AMBRA1: variants seen among roughly 807,000 people sequenced by gnomAD.
The protein encoded by AMBRA1 is autophagy and beclin 1 regulator 1.
A neutral mutation model predicts 125.4 loss-of-function variants in AMBRA1; 47 were observed. The observed-to-expected ratio is 0.37, with a 90% CI of 0.30 to 0.48. The LOEUF is 0.48. Ranked by LOEUF, AMBRA1 falls within the 20% of genes least tolerant of loss-of-function variation. AMBRA1 has a pLI of 0.99. For synonymous variants in AMBRA1, 626 were observed against 655.5 expected, an observed-to-expected ratio of 0.95 and a Z score of 0.69; for missense variants, 1,331 against 1,693.4, an observed-to-expected ratio of 0.79 and a Z score of 3.76.
intron 9 of AMBRA1, among the ~76,000 whole-genome samples, chr11:46,498,036 T>C (rs999657413): frequency 6.6e-6 from 1 of 152,146 alleles, no homozygotes; most frequent in Non-Finnish European, 1.5e-5. Flanking sequence ...CTCACTTCCG[T>C]GCTGATACAA....
intron 14 of AMBRA1, among the ~76,000 whole-genome samples, chr11:46,420,309 C>T (rs1025962839): frequency 6.6e-6 from 1 of 152,164 alleles, no homozygotes; most frequent in Non-Finnish European, 1.5e-5. Context: ...GAATTTCTCT[C>T]GTAGTTATCT....
intron 1 of AMBRA1, among the ~76,000 whole-genome samples, chr11:46,565,084 C>A (rs923181163): frequency 1.3e-5 from 2 of 149,996 alleles, no homozygotes; most frequent in African/African-American, 4.9e-5. Context: ...GGCAAAACCT[C>A]ATCTCTACAA....
chr11:46,592,771 A>C (rs1049852965), intron 1 of AMBRA1, among the ~76,000 whole-genome samples: 2 of 152,048 alleles, frequency 1.3e-5, no homozygotes, highest in African/African-American at 4.8e-5. Context: ...AAAAAAAGAA[A>C]AAAGAGAGAC....
chr11:46,511,056 G>A (rs1287703931), intron 8 of AMBRA1, among the ~76,000 whole-genome samples: 1 of 152,136 alleles, frequency 6.6e-6, no homozygotes, highest in Non-Finnish European at 1.5e-5. Flanking sequence ...CCGTGATAAA[G>A]ATCACAGTAG....
At chr11:46,574,557 T>G (rs1235147649) in intron 1 of AMBRA1, among the ~76,000 whole-genome samples, 1 of 152,114 alleles carries the variant, frequency 6.6e-6, no homozygotes, top group Non-Finnish European at 1.5e-5. Context: ...TTGTAGATTC[T>G]GGATATTAGC....
In AMBRA1 at chr11:46,508,334, G is replaced by C. The variant is rs748376043; in HGVS notation, c.2196C>G (p.Ile732Met). 12 of 1,614,076 alleles carry C rather than the reference G, an allele frequency of 7.4e-6. No individual in the cohort carries two copies. Among genetic ancestry groups the C allele is most frequent in the Non-Finnish European group, 9.3e-6 (11 of 1,180,038 alleles). Residue 732 changes from isoleucine to methionine, a missense_variant, in exon 9 of 18, where the codon ATC becomes ATG. By Grantham distance (10) the Ile-to-Met change is conservative. This residue lies in a region of AMBRA1 where 689 missense variants were observed against 776.5 expected (regional missense o/e 0.89). Transcript: ENST00000683756. ...TACTGTCTCTCCGTGAGAGATACTG[G>C]ATCATCCTCTGGGCGTAGTATGCAG... is the stretch of plus-strand genomic sequence containing the variant. The part of the protein sequence containing the change: ...SPAAYYAQRM[I>M]QYLSRRDSIR...
chr11:46,563,139 T>A (rs2135245066), intron 1 of AMBRA1, among the ~76,000 whole-genome samples: 1 of 152,172 alleles, frequency 6.6e-6, no homozygotes, highest in East Asian at 1.9e-4. Context: ...GCAAGGTAGA[T>A]CACACCTGTA....
At chr11:46,493,294 C>A (rs1404752997) in intron 11 of AMBRA1, among the ~76,000 whole-genome samples, 2 of 151,988 alleles carry the variant, frequency 1.3e-5, no homozygotes, top group South Asian at 4.1e-4. Context: ...AACATAAACA[C>A]GGCACCTTTA....
intron 2 of AMBRA1, among the ~76,000 whole-genome samples, 161 bp from the exon 3 acceptor site, chr11:46,548,036 T>C (rs766315565): frequency 8.5e-5 from 13 of 152,164 alleles, no homozygotes; most frequent in Non-Finnish European, 2.9e-5. Flanking sequence ...TAAACCTAAA[T>C]TACCTTCAGG....
At chr11:46,439,267 C>T (rs1479241379) in intron 12 of AMBRA1, among the ~76,000 whole-genome samples, 1 of 152,156 alleles carries the variant, frequency 6.6e-6, no homozygotes, top group Non-Finnish European at 1.5e-5. Flanking sequence ...GAGCGAGACC[C>T]TGTGTCTAAA....
chr11:46,519,347 A>T (rs1951660888), intron 7 of AMBRA1, among the ~76,000 whole-genome samples: 2 of 152,186 alleles, frequency 1.3e-5, no homozygotes, highest in African/African-American at 4.8e-5. Context: ...TTCAATAGAT[A>T]TCAGAGTTGA....
At chr11:46,563,741 G>A (rs764072638) in intron 1 of AMBRA1, among the ~76,000 whole-genome samples, 1 of 150,782 alleles carries the variant, frequency 6.6e-6, no homozygotes, top group African/African-American at 2.4e-5. Flanking sequence ...TCGGGAGGCC[G>A]AGACAGGAGA....
At chr11:46,496,621 G>A (rs1950639193) in intron 9 of AMBRA1, among the ~76,000 whole-genome samples, 1 of 152,192 alleles carries the variant, frequency 6.6e-6, no homozygotes. Flanking sequence ...ACAGTACTGA[G>A]CAGTTGCCAG....
At chr11:46,490,617 C>T (rs529838546) in intron 11 of AMBRA1, among the ~76,000 whole-genome samples, 2 of 152,274 alleles carry the variant, frequency 1.3e-5, no homozygotes, top group East Asian at 3.9e-4. Context: ...GTACTGGTCA[C>T]ACCCCCTAAA....
At chr11:46,564,013 G>T (rs183869811) in intron 1 of AMBRA1, among the ~76,000 whole-genome samples, 4 of 151,440 alleles carry the variant, frequency 2.6e-5, no homozygotes, top group Non-Finnish European at 4.4e-5. Context: ...GCATGGTGGC[G>T]CATGCCTGTA....
intron 1 of AMBRA1, among the ~76,000 whole-genome samples, chr11:46,579,710 T>A (rs1285825684): frequency 6.6e-6 from 1 of 151,566 alleles, no homozygotes; most frequent in East Asian, 1.9e-4. Context: ...GAAACAGACA[T>A]GTTTTGTTTT....
chr11:46,401,701 C>T (rs865965083), intron 17 of AMBRA1, among the ~76,000 whole-genome samples: 3 of 152,194 alleles, frequency 2.0e-5, no homozygotes, highest in South Asian at 2.1e-4. Flanking sequence ...GCCTATGGCT[C>T]CAGGCCTGGC....
chr11:46,569,440 A>ATATAT (rs1555012051), intron 1 of AMBRA1, among the ~76,000 whole-genome samples: 71 of 131,384 alleles, frequency 5.4e-4, no homozygotes, highest in African/African-American at 1.3e-3. Context: ...AAAAAAAAAA[A>ATATAT]ATATATATAT....
chr11:46,464,974 G>T (rs941962691), intron 11 of AMBRA1, among the ~76,000 whole-genome samples: 6 of 152,156 alleles, frequency 3.9e-5, no homozygotes, highest in African/African-American at 1.4e-4. Flanking sequence ...GAACCGGGAG[G>T]TGGAGGTTGC....
Sources: allele counts gnomAD v4.1 joint callset (sites outside exome capture counted in the v4.1 genomes callset), GRCh38; gene constraint gnomAD v4.1.1; regional missense constraint gnomAD v4.1.1; transcripts MANE v1.5; gene names NCBI Gene and HGNC (gene_info 2026-07-23, HGNC 2026-07-21).